Variants in OR10H5 observed in about 807,000 individuals in gnomAD.
The protein encoded by OR10H5 is olfactory receptor family 10 subfamily H member 5, also known as olfactory receptor 10H5.
In OR10H5, 7 loss-of-function variants were observed where a neutral mutation model predicts 12.2. That is an observed-to-expected ratio of 0.57 (90% CI 0.33 to 1.07). The LOEUF (loss-of-function observed/expected upper bound fraction) is 1.07. OR10H5 is among the 50% of genes least tolerant of loss of function. The pLI, the probability that OR10H5 is intolerant of heterozygous loss-of-function variation, is 0.04. For synonymous variants in OR10H5, 159 were observed against 175.1 expected (o/e 0.91, Z 0.73); for missense variants, 346 against 411.6 (o/e 0.84, Z 1.38).
chr19:15,793,846 T>C (rs1384201991), intron 1 of OR10H5, 192 bp from the exon 2 acceptor site: 4 of 588,450 alleles, frequency 6.8e-6, no homozygotes. Context: ...ACCACTGCAC[T>C]CCAGCCTGGG....
chr19:15,790,665 GA>G (rs1319896403), intron 1 of OR10H5, among the ~76,000 whole-genome samples: 1 of 152,152 alleles, frequency 6.6e-6, no homozygotes, highest in East Asian at 1.9e-4. Flanking sequence ...AGATGAGGGA[GA>G]GGAGGGATGA....
rs186204971 is a variant in OR10H5 at position 15,792,220 on chromosome 19, G to A, written c.-11-1818G>A. 4.7e-4 allele frequency among the ~76,000 whole-genome samples: 71 copies of A among 151,500 alleles called. No individual in the cohort carries two copies. The East Asian group carries it at 6.2e-3, about 13-fold the overall frequency. On this transcript the variant is annotated intron_variant, in intron 1 of 1. Transcript: ENST00000642092. ...ATTTTTCATTATCATTTTTTTATTC[G>A]CATTTTTTAATTTTCCTTTTATTCT...
At chr19:15,793,805 G>C in intron 1 of OR10H5, 1 of 457,584 alleles carries the variant, frequency 2.2e-6, no homozygotes, top group South Asian at 3.7e-5. Context: ...CTTGAACCCA[G>C]GAGGCAGAGG....
intron 1 of OR10H5, among the ~76,000 whole-genome samples, chr19:15,789,335 C>T (rs1000702891): frequency 2.6e-5 from 4 of 152,220 alleles, no homozygotes; most frequent in Admixed American, 6.5e-5. Flanking sequence ...GATCTGTCTG[C>T]CTTTGCATCT....
chr19:15,790,656 G>T (rs1214431986), intron 1 of OR10H5, among the ~76,000 whole-genome samples: 1 of 152,160 alleles, frequency 6.6e-6, no homozygotes, highest in East Asian at 1.9e-4. Flanking sequence ...AGAGATGACA[G>T]ATGAGGGAGA....
chr19:15,788,112 A>AC (rs577137201), intron 1 of OR10H5, among the ~76,000 whole-genome samples: 48 of 152,158 alleles, frequency 3.2e-4, no homozygotes, highest in Non-Finnish European at 6.2e-4. Flanking sequence ...CTTAGGCATC[A>AC]CCCATGTGTA....
In OR10H5 at chr19:15,799,169, G is replaced by T. The variant is rs906905218; in HGVS notation, c.*4173G>T. 1 of 152,154 alleles carries T rather than the reference G, an allele frequency of 6.6e-6. No individual in the cohort carries two copies. Among genetic ancestry groups the T allele is most frequent in the Non-Finnish European group, 1.5e-5 (1 of 68,050 alleles). The allele number at this position is 152,154 out of a possible 1,614,324, so 9.4% of individuals were successfully genotyped here. On this transcript the variant is annotated 3_prime_UTR_variant, in exon 2 of 2. Transcript: ENST00000642092. ...GTGATCATCAGGGCTGCGTGGCCAGGTCTATACTTCATCCCCAAATTCATT... is the reference window on the plus strand; with the variant it reads ...GTGATCATCAGGGCTGCGTGGCCAGTTCTATACTTCATCCCCAAATTCATT...
chr19:15,791,429 A>T, intron 1 of OR10H5, among the ~76,000 whole-genome samples: 1 of 134,304 alleles, frequency 7.4e-6, no homozygotes, highest in Non-Finnish European at 1.5e-5. Flanking sequence ...CTATATAGTT[A>T]TATAGATACC....
chr19:15,792,608 G>A (rs1487269513), intron 1 of OR10H5, among the ~76,000 whole-genome samples: 1 of 152,078 alleles, frequency 6.6e-6, no homozygotes, highest in African/African-American at 2.4e-5. Flanking sequence ...TGGGATTACA[G>A]GTGCATGTCA....
In OR10H5 at chr19:15,798,369, A is replaced by G. The variant is rs946942590; in HGVS notation, c.*3373A>G. The G allele has an allele frequency of 6.6e-6, 1 of 151,056 alleles. No homozygotes were observed. Among genetic ancestry groups the G allele is most frequent in the Non-Finnish European group, 1.5e-5 (1 of 67,836 alleles). 9.4% of individuals were successfully genotyped at this position (151,056 alleles called of 1,614,324 possible). A position where few individuals can be genotyped will look rare whatever the true frequency, so the allele number is the denominator to read the frequency against. On this transcript the variant is annotated 3_prime_UTR_variant, in exon 2 of 2. Transcript: ENST00000642092. ...GACCCTGTCCTCATCTCCCCCCATT[A>G]ATCAGCCTTCACTTTCTGAAGTCTC...
chr19:15,796,304 T>G lies in OR10H5; in HGVS notation c.*1308T>G, dbSNP rs754730887. 2 of 152,060 alleles carry G rather than the reference T, an allele frequency of 1.3e-5. No individual in the cohort carries two copies. The highest frequency in any genetic ancestry group is 1.3e-4 in the Admixed American group (2 of 15,264). The allele number at this position is 152,060 out of a possible 1,614,324, so 9.4% of individuals were successfully genotyped here. On this transcript the variant is annotated 3_prime_UTR_variant, in exon 2 of 2. Transcript: ENST00000642092. ...CACATTCTAGCTAGCACCAATGGAG[T>G]GAGCCCAGAACTAGAAATATGCTGT... is the stretch of plus-strand genomic sequence containing the variant.
At chr19:15,792,733 T>G (rs1257184942) in intron 1 of OR10H5, among the ~76,000 whole-genome samples, 1 of 152,220 alleles carries the variant, frequency 6.6e-6, no homozygotes, top group Non-Finnish European at 1.5e-5. Flanking sequence ...CCCAAAGTGC[T>G]GGGATTACAG....
In OR10H5 at chr19:15,799,877, T is replaced by C. The variant is rs2088859558; in HGVS notation, c.*4881T>C. ...ACCATGCCTGGCTAAATTTTTTTTG[T>C]GTTTTTAGTACAGACAGGGTTTCGC... is the stretch of plus-strand genomic sequence containing the variant. On this transcript the variant is annotated 3_prime_UTR_variant, in exon 2 of 2. Coordinates refer to ENST00000642092, the MANE Select transcript of OR10H5 (RefSeq NM_001004466.2). The C allele has an allele frequency of 6.6e-6, 1 of 152,046 alleles. No homozygotes were observed. Among genetic ancestry groups the C allele is most frequent in the Non-Finnish European group, 1.5e-5 (1 of 68,024 alleles). 9.4% of individuals were successfully genotyped at this position (152,046 alleles called of 1,614,324 possible).
At chr19:15,790,247 G>T (rs1483474824) in intron 1 of OR10H5, among the ~76,000 whole-genome samples, 1 of 152,206 alleles carries the variant, frequency 6.6e-6, no homozygotes, top group East Asian at 1.9e-4. Flanking sequence ...GAATGGGGTT[G>T]AAGTCCCTGA....
At chr19:15,791,153 C>A (rs2088807577) in intron 1 of OR10H5, among the ~76,000 whole-genome samples, 1 of 152,160 alleles carries the variant, frequency 6.6e-6, no homozygotes, top group Non-Finnish European at 1.5e-5. Context: ...CGAGACCAGC[C>A]TGGCCAACAT....
rs961809822 is a variant in OR10H5, at chr19:15,795,651, A to G, written c.*655A>G. On this transcript the variant is annotated 3_prime_UTR_variant, in exon 2 of 2. Transcript: ENST00000642092. ...CTGACTTTTTTACTGTAGACATCCCAGTGGTTTCTTATTGGGGTTTTGATT... is the reference window on the plus strand; with the variant it reads ...CTGACTTTTTTACTGTAGACATCCCGGTGGTTTCTTATTGGGGTTTTGATT... 6.6e-6 allele frequency: 1 copy of G among 152,278 alleles called. No individual in the cohort carries two copies. Among genetic ancestry groups the G allele is most frequent in the African/African-American group, 2.4e-5 (1 of 41,372 alleles). The allele number at this position is 152,278 out of a possible 1,614,324, so 9.4% of individuals were successfully genotyped here. A position where few individuals can be genotyped will look rare whatever the true frequency, so the allele number is the denominator to read the frequency against.
At position 15,795,082 on chromosome 19, in the gene OR10H5, C is replaced by T. The variant is rs186430129; in HGVS notation, c.*86C>T. ...TTTCTTTTCCTTTCCTCCCTCCCTC[C>T]TTTCCTCCCTCCCTCCCTTCCTTCC... is the stretch of plus-strand genomic sequence containing the variant. On this transcript the variant is annotated 3_prime_UTR_variant, in exon 2 of 2. Coordinates refer to ENST00000642092, the MANE Select transcript of OR10H5 (RefSeq NM_001004466.2). 6.3e-6 allele frequency: 7 copies of T among 1,115,410 alleles called. No individual in the cohort carries two copies. In the East Asian group the frequency reaches 1.5e-4, roughly 24 times the overall value. 69.1% of individuals were successfully genotyped at this position (1,115,410 alleles called of 1,614,324 possible).
intron 1 of OR10H5, among the ~76,000 whole-genome samples, chr19:15,789,024 C>A (rs2088797115): frequency 6.6e-6 from 1 of 152,080 alleles, no homozygotes; most frequent in Non-Finnish European, 1.5e-5. Flanking sequence ...TGAGGCTCTC[C>A]CCACCCCTGC....
chr19:15,793,900 A>G, intron 1 of OR10H5, 138 bp from the exon 2 acceptor site: 1 of 739,404 alleles, frequency 1.4e-6, no homozygotes, highest in Non-Finnish European at 2.2e-6. Context: ...CTAAAAATAA[A>G]TAACATATTT....
Sources: gnomAD v4.1 joint callset for allele counts (sites outside exome capture counted in the v4.1 genomes callset) on GRCh38, gnomAD v4.1.1 for gene constraint, MANE v1.5 for transcripts, NCBI Gene and HGNC (gene_info 2026-07-23, HGNC 2026-07-21) for gene names.